The following PAX6 variants were observed in gnomAD, a reference collection of about 807,000 sequenced individuals.
The protein encoded by PAX6 is paired box protein Pax-6.
In PAX6, 7 loss-of-function variants were observed where a neutral mutation model predicts 60.7. That is an observed-to-expected ratio of 0.12 (90% CI 0.07 to 0.22). The LOEUF (loss-of-function observed/expected upper bound fraction) is 0.22, where lower values mean the gene tolerates loss of function less well. PAX6 is among the 10% of genes least tolerant of loss of function. The pLI is 1.00. For synonymous variants in PAX6, 208 were observed against 201.2 expected (o/e 1.03, Z -0.29); for missense variants, 355 against 555.2 (o/e 0.64, Z 3.62).
upstream of PAX6, among the ~76,000 whole-genome samples, chr11:31,815,639 C>A (rs1266057289): frequency 6.6e-6 from 1 of 152,078 alleles, no homozygotes; most frequent in Non-Finnish European, 1.5e-5. Flanking sequence ...TGTTCCCAAC[C>A]CCAGTAAGAG....
intron 7 of PAX6, 184 bp downstream of exon 7, chr11:31,801,377 A>G: frequency 6.7e-7 from 1 of 1,492,916 alleles, no homozygotes; most frequent in South Asian, 1.3e-5. Flanking sequence ...CTTGACTCCC[A>G]TTTTCCAGAC....
At position 31,790,576 on chromosome 11, in the gene PAX6, CA is replaced by C; in HGVS notation, c.1225+133del. On this transcript the variant is annotated intron_variant, in intron 13 of 13. Transcript: ENST00000640368. Reference sequence around the variant, plus strand: ...ATTAGCTTAACTGAATTTCCCTTTTCAATCCCCATCCCCCAGGGACAAGGAA... The same window carrying C: ...ATTAGCTTAACTGAATTTCCCTTTTCATCCCCATCCCCCAGGGACAAGGAA... 2.0e-6 allele frequency: 3 copies of C among 1,536,546 alleles called. No individual in the cohort carries two copies. In the South Asian group the frequency reaches 3.4e-5, roughly 17 times the overall value.
chr11:31,811,501 C>T (rs577295938), upstream of PAX6: 100 of 303,854 alleles, frequency 3.3e-4, 1 homozygote, highest in South Asian at 2.4e-3. Flanking sequence ...CGGCGCAGGG[C>T]CCCCGAGCCC....
At chr11:31,816,409 G>A (rs1349865152) in intron 1 of PAX6, 3 of 620,920 alleles carry the variant, frequency 4.8e-6, no homozygotes, top group Non-Finnish European at 8.8e-6. Context: ...CTCGCCCTGG[G>A]CGCGGAGCGA....
At position 31,809,281 on chromosome 11, in the gene PAX6, A is replaced by G. The variant is rs1033116381; in HGVS notation, c.-129+1547T>C. 4 of 152,202 alleles carry G rather than the reference A, an allele frequency of 2.6e-5. No homozygotes were observed. The East Asian group carries it at 5.8e-4, about 22-fold the overall frequency. 9.4% of individuals were successfully genotyped at this position (152,202 alleles called of 1,614,324 possible). ...AAATGTAATGTCAACCGCAACAACT[A>G]TTATTTCTCTTCAGTAAACTCGCCA... On this transcript the variant is annotated intron_variant, in intron 2 of 13. Transcript: ENST00000640368.
Position 31,806,310 on chromosome 11 carries a change from CA to C in PAX6, c.10+91del. ...GGCCTCAGTCGGTCGGCGGCCGGGC[CA>C]GCGCGGGCGTCGCGAGTCCCTGTGT... On this transcript the variant is annotated intron_variant, in intron 4 of 13. Transcript: ENST00000640368. 6.8e-6 allele frequency: 10 copies of C among 1,469,242 alleles called. No homozygotes were observed. In the South Asian group the frequency reaches 1.2e-4, roughly 18 times the overall value. The allele number at this position is 1,469,242 out of a possible 1,614,324, so 91.0% of individuals were successfully genotyped here.
intron 2 of PAX6, chr11:31,807,472 A>T: frequency 6.6e-6 from 1 of 152,202 alleles, no homozygotes; most frequent in Non-Finnish European, 1.5e-5. Context: ...ACACCAAAAA[A>T]ACTTCCCAAT....
intron 8 of PAX6, among the ~76,000 whole-genome samples, chr11:31,796,541 G>A (rs570451010): frequency 2.0e-4 from 30 of 147,678 alleles, no homozygotes; most frequent in African/African-American, 7.3e-4. Context: ...CGGGGACCAG[G>A]GCTGGGTTCC....
At position 31,790,028 on chromosome 11, in the gene PAX6, G is replaced by A. The variant is rs761206476; in HGVS notation, c.1226-9C>T. ...ACCAGGGGAAATGAGTCCTAGAAGT[G>A]GATGAAAGAAATAGCCATGTAGATA... On this transcript the variant is annotated splice_polypyrimidine_tract_variant and intron_variant, in intron 13 of 13. Transcript: ENST00000640368. 1.3e-6 allele frequency: 2 copies of A among 1,531,774 alleles called. No individual in the cohort carries two copies. The highest frequency in any genetic ancestry group is 2.3e-5 in the South Asian group (2 of 88,548). The allele number at this position is 1,531,774 out of a possible 1,614,324, so 94.9% of individuals were successfully genotyped here.
In PAX6 at chr11:31,801,321, C is replaced by T. The variant is rs1211638458; in HGVS notation, c.399+240G>A. 4.2e-6 allele frequency: 6 copies of T among 1,428,174 alleles called. No individual in the cohort carries two copies. The African/African-American group carries it at 7.2e-5, about 17-fold the overall frequency. The allele number at this position is 1,428,174 out of a possible 1,614,324, so 88.5% of individuals were successfully genotyped here. On this transcript the variant is annotated intron_variant, in intron 7 of 13. Transcript: ENST00000640368. ...TTCAAGTGCCTTTCCCTGGTGCCTC[C>T]GCCCTCTGTTTTGCAGCATGCAAAT...
At chr11:31,816,775 A>G (rs1957400810) in intron 1 of PAX6, 2 of 621,898 alleles carry the variant, frequency 3.2e-6, no homozygotes, top group South Asian at 1.9e-5. Context: ...GTGCTCCCAG[A>G]AGACCTAGAA....
chr11:31,798,240 G>A (rs568480512), intron 8 of PAX6, among the ~76,000 whole-genome samples: 4 of 152,142 alleles, frequency 2.6e-5, no homozygotes, highest in Non-Finnish European at 4.4e-5. Flanking sequence ...AAGAAAAAGT[G>A]TCTCCGTGAT....
At chr11:31,811,071 G>C (rs1437181266) in intron 1 of PAX6, 44 bp downstream of exon 1, 1 of 399,310 alleles carries the variant, frequency 2.5e-6, no homozygotes. Context: ...TGGAGAGTGA[G>C]AGATAAAGAG....
intron 2 of PAX6, chr11:31,808,393 C>T (rs1956338585): frequency 6.6e-6 from 1 of 152,234 alleles, no homozygotes; most frequent in Non-Finnish European, 1.5e-5. Flanking sequence ...CTCTCCAATG[C>T]TTCCTTCCTG....
Position 31,790,711 on chromosome 11 carries a change from T to G in PAX6, c.1224A>C (p.Thr408=). 1 of 1,614,048 alleles carries G rather than the reference T, an allele frequency of 6.2e-7. No individual in the cohort carries two copies. The highest frequency in any genetic ancestry group is 1.3e-5 in the African/African-American group (1 of 75,034). Residue 408 remains threonine (T), a splice_region_variant and synonymous_variant, in exon 13 of 14, where the codon ACA becomes ACC. Coordinates refer to ENST00000640368, the MANE Select transcript of PAX6 (RefSeq NM_001368894.2). ...AGCCTGCAGAAAGCAGTGGCTCACC[T>G]GTTGAAGTGGTGCCCGAGGTGCCCA... The part of the protein sequence containing the change: ...QPMGTSGTTS[T]GLISPGVSVP...
upstream of PAX6, chr11:31,813,019 G>A: frequency 6.6e-6 from 1 of 152,290 alleles, no homozygotes; most frequent in Non-Finnish European, 1.5e-5. Context: ...CCCGGGCAGG[G>A]CTCCCGGGAA....
upstream of PAX6, chr11:31,814,500 C>G (rs1422904110): frequency 6.6e-6 from 1 of 152,212 alleles, no homozygotes; most frequent in Admixed American, 6.5e-5. Flanking sequence ...TCTCTTTCCC[C>G]GGTCAAGCAG....
At chr11:31,796,693 T>C (rs1951672447) in intron 8 of PAX6, among the ~76,000 whole-genome samples, 1 of 150,866 alleles carries the variant, frequency 6.6e-6, no homozygotes, top group Non-Finnish European at 1.5e-5. Context: ...AAAAGAAGGC[T>C]CAAAAAACAT....
chr11:31,806,204 A>G, intron 4 of PAX6, 198 bp downstream of exon 4: 1 of 546,716 alleles, frequency 1.8e-6, no homozygotes, highest in Non-Finnish European at 3.2e-6. Flanking sequence ...CTGCTTCTCC[A>G]GTATCGAGAA....
Sources: gnomAD v4.1 joint callset for allele counts (sites outside exome capture counted in the v4.1 genomes callset) on GRCh38, gnomAD v4.1.1 for gene constraint, MANE v1.5 for transcripts, NCBI Gene and HGNC (gene_info 2026-07-23, HGNC 2026-07-21) for gene names.